The following IL31RA variants were observed in gnomAD, a reference collection of about 807,000 sequenced individuals.
The protein encoded by IL31RA is interleukin 31 receptor A.
IL31RA carries 66 observed loss-of-function variants against 83.7 expected under a neutral mutation model. The ratio of observed to expected loss-of-function variants is 0.79; its 90% CI spans 0.65 to 0.97. The LOEUF (loss-of-function observed/expected upper bound fraction) is 0.97, where lower values mean the gene tolerates loss of function less well. Among genes scored for constraint, IL31RA ranks in the 50% least tolerant of loss-of-function variants. The pLI is 0.00. For missense variants in IL31RA, 798 were observed against 919.4 expected (o/e 0.87, Z 1.71); for synonymous variants, 325 against 329.0 (o/e 0.99, Z 0.13).
At chr5:55,883,374 G>A (rs192146447) in intron 5 of IL31RA, among the ~76,000 whole-genome samples, 179 bp downstream of exon 5, 2 of 152,266 alleles carry the variant, frequency 1.3e-5, no homozygotes, top group Middle Eastern at 3.4e-3. Context: ...TAGATTGGAA[G>A]GGTGTTCTAC....
chr5:55,859,660 G>A (rs907435369), intron 2 of IL31RA, 61 bp downstream of exon 2: 24 of 1,191,388 alleles, frequency 2.0e-5, no homozygotes, highest in Admixed American at 1.2e-4. Flanking sequence ...TTGGACAAGA[G>A]TTGTTAACTT....
chr5:55,877,838 G>A (rs1050841971), intron 4 of IL31RA, among the ~76,000 whole-genome samples: 1 of 152,078 alleles, frequency 6.6e-6, no homozygotes, highest in African/African-American at 2.4e-5. Context: ...GGTATTCACT[G>A]GGATTCTTGG....
chr5:55,852,098 G>T (rs1745101782), intron 1 of IL31RA: 3 of 184,788 alleles, frequency 1.6e-5, no homozygotes, highest in Non-Finnish European at 3.5e-5. Context: ...ATAAATTCAA[G>T]AAATGCTTGC....
At chr5:55,897,729 G>C (rs567477651) in intron 7 of IL31RA, among the ~76,000 whole-genome samples, 19 of 152,028 alleles carry the variant, frequency 1.2e-4, no homozygotes, top group Admixed American at 1.1e-3. Context: ...GAAAATGGGG[G>C]GACAAGGGAA....
At chr5:55,865,835 T>C (rs941133509) in intron 2 of IL31RA, among the ~76,000 whole-genome samples, 6 of 152,132 alleles carry the variant, frequency 3.9e-5, no homozygotes, top group African/African-American at 1.4e-4. Context: ...CTCTTTGGGG[T>C]TCCTGCCTTG....
At chr5:55,867,247 GTGTGTGCGTGTGTT>G (rs1236606372) in intron 2 of IL31RA, among the ~76,000 whole-genome samples, 1 of 79,950 alleles carries the variant, frequency 1.3e-5, no homozygotes, top group East Asian at 2.9e-4. Flanking sequence ...GTGTGTGTTT[GTGTGTGCGTGTGTT>G]TGTGTGCGTG....
rs2112511222 is a variant in IL31RA at position 55,897,690 on chromosome 5, C to T, written c.852+1261C>T. Among the ~76,000 whole-genome samples, 2 of 151,364 alleles carry T rather than the reference C, an allele frequency of 1.3e-5. 1 individual carries two copies. ...CAGAGAAGAAGAAGAGGGAAGAGGA[C>T]CTGAGAGAGGGAAGTGAGAGAAGGA... On this transcript the variant is annotated intron_variant, in intron 7 of 14. Transcript: ENST00000652347.
rs1748959462 is a variant in IL31RA at position 55,903,627 on chromosome 5, G to T, written c.1070-2479G>T. 6.6e-6 allele frequency among the ~76,000 whole-genome samples: 1 copy of T among 152,178 alleles called. No homozygotes were observed. Among genetic ancestry groups the T allele is most frequent in the Admixed American group, 6.5e-5 (1 of 15,276 alleles). ...CAGTGCACTTGGCGCTTTAGACCCG[G>T]ATCTCCCTGCTCCTCAGAGCTCCAG... On this transcript the variant is annotated intron_variant, in intron 8 of 14. Transcript: ENST00000652347. The surrounding 1 kb of genome is among the most constrained non-coding windows in gnomAD (Gnocchi z 4.7).
chr5:55,875,255 G>T (rs1232757241), intron 4 of IL31RA, among the ~76,000 whole-genome samples: 1 of 152,088 alleles, frequency 6.6e-6, no homozygotes, highest in Non-Finnish European at 1.5e-5. Context: ...ATATGTCGCT[G>T]AATTTGGATT....
chr5:55,862,956 A>C (rs758163187), intron 2 of IL31RA, among the ~76,000 whole-genome samples: 1 of 152,218 alleles, frequency 6.6e-6, no homozygotes, highest in Admixed American at 6.5e-5. Flanking sequence ...GGGAGAATTG[A>C]ATAAGACTTA....
In IL31RA at chr5:55,900,016, A is replaced by C. The variant is rs1293331924; in HGVS notation, c.953A>C (p.Asn318Thr). ...TNLTETMNTT[N>T]QQLELHLGGE... ...CTCACAGAAACAATGAACACTACTA[A>C]CCAGCAGCTTGAACTGCATCTGGGA... Residue 318 changes from asparagine to threonine, a missense_variant, in exon 8 of 15, where the codon AAC becomes ACC. Asn to Thr is a moderately conservative substitution (Grantham distance 65, BLOSUM62 0). Coordinates refer to ENST00000652347, the MANE Select transcript of IL31RA (RefSeq NM_139017.7). The C allele has an allele frequency of 6.2e-7, 1 of 1,613,714 alleles. No homozygotes were observed. The highest frequency in any genetic ancestry group is 1.3e-5 in the African/African-American group (1 of 74,882).
chr5:55,853,541 C>T (rs1275448421), intron 1 of IL31RA: 3 of 1,550,890 alleles, frequency 1.9e-6, no homozygotes, highest in Non-Finnish European at 2.6e-6. Context: ...AGCAGAACAT[C>T]TGTGGAACAT....
rs1750058974 is a variant in IL31RA, at chr5:55,920,868, CA to C, written c.*3749del. Among the ~76,000 whole-genome samples the C allele has an allele frequency of 1.3e-5, 2 of 152,168 alleles. No individual in the cohort carries two copies. The highest frequency in any genetic ancestry group is 2.9e-5 in the Non-Finnish European group (2 of 68,034). ...GTGGCTTACACCAGTGGTCTTTCAA[CA>C]GGAGTGATTTTGACCCCCAGCCTCC... is the stretch of plus-strand genomic sequence containing the variant. On this transcript the variant is annotated 3_prime_UTR_variant, in exon 15 of 15. Coordinates refer to ENST00000652347, the MANE Select transcript of IL31RA (RefSeq NM_139017.7).
At chr5:55,845,941 G>A in the IL31RA span, among the ~76,000 whole-genome samples, 2 of 152,150 alleles carry the variant, frequency 1.3e-5, no homozygotes, top group Non-Finnish European at 2.9e-5. Flanking sequence ...TCTTATACGA[G>A]CTCCTGTAGG....
Position 55,908,797 on chromosome 5 carries a change from T to G in IL31RA, c.1501+386T>G. The stretch of plus-strand genomic sequence containing the variant: ...TCTACTGCCCCTGCCAAATCATGCT[T>G]TTGTTTTTCAGTCCACCTTATCTCC... On this transcript the variant is annotated intron_variant, in intron 11 of 14. Transcript: ENST00000652347. 2.1e-6 allele frequency: 3 copies of G among 1,403,294 alleles called. No homozygotes were observed. The South Asian group carries it at 5.3e-5, about 25-fold the overall frequency. The allele number at this position is 1,403,294 out of a possible 1,614,324, so 86.9% of individuals were successfully genotyped here. A position where few individuals can be genotyped will look rare whatever the true frequency, so the allele number is the denominator to read the frequency against.
intron 13 of IL31RA, 78 bp from the exon 14 acceptor site, chr5:55,914,769 C>T: frequency 9.8e-7 from 1 of 1,025,450 alleles, no homozygotes; most frequent in East Asian, 2.4e-5. Flanking sequence ...TTAGCACAGC[C>T]TCACTCTTTT....
At chr5:55,914,977 C>A in intron 14 of IL31RA, 49 bp downstream of exon 14, 1 of 1,364,682 alleles carries the variant, frequency 7.3e-7, no homozygotes, top group South Asian at 1.2e-5. Flanking sequence ...GGGAGGTAGA[C>A]GAGGTGAATG....
rs894960394 is a variant in IL31RA, at chr5:55,913,865, C to T, written c.1736+295C>T. 2.6e-5 allele frequency among the ~76,000 whole-genome samples: 4 copies of T among 152,194 alleles called. No homozygotes were observed. The East Asian group carries it at 5.8e-4, about 22-fold the overall frequency. On this transcript the variant is annotated intron_variant, in intron 13 of 14. Coordinates refer to ENST00000652347, the MANE Select transcript of IL31RA (RefSeq NM_139017.7). ...TGTCTGCTCCATTTGCCATCTGAGACTGGAGTTGGAGAGCAGACCCTTTCT... is the reference window on the plus strand; with the variant it reads ...TGTCTGCTCCATTTGCCATCTGAGATTGGAGTTGGAGAGCAGACCCTTTCT...
At chr5:55,844,025 T>C in the IL31RA span, among the ~76,000 whole-genome samples, 4 of 152,164 alleles carry the variant, frequency 2.6e-5, no homozygotes, top group African/African-American at 7.2e-5. Context: ...TTTCAACTTT[T>C]ATTTTAGAAT....
Sources: allele counts gnomAD v4.1 joint callset (sites outside exome capture counted in the v4.1 genomes callset), GRCh38; gene constraint gnomAD v4.1.1; non-coding constraint Gnocchi (gnomAD v3.1); transcripts MANE v1.5; gene names NCBI Gene and HGNC (gene_info 2026-07-23, HGNC 2026-07-21).